The following AKAP6 variants were observed in gnomAD, a reference collection of about 807,000 sequenced individuals.
AKAP6 encodes A-kinase anchor protein 6.
AKAP6 carries 58 observed loss-of-function variants against 188.5 expected under a neutral mutation model. The observed-to-expected ratio is 0.31, with a 90% CI of 0.25 to 0.38. AKAP6 has a LOEUF of 0.38. Ranked by LOEUF, AKAP6 falls within the 10% of genes least tolerant of loss-of-function variation. The probability of loss-of-function intolerance (pLI) is 1.00; values close to 1 mark genes in which losing one functional copy is unlikely to be tolerated. For missense variants in AKAP6, 2,710 were observed against 2,740.0 expected (o/e 0.99, Z 0.24); for synonymous variants, 989 against 998.6 (o/e 0.99, Z 0.18).
chr14:32,731,866 G>A (rs532667956), intron 9 of AKAP6, among the ~76,000 whole-genome samples: 2 of 152,162 alleles, frequency 1.3e-5, no homozygotes, highest in Admixed American at 1.3e-4. Flanking sequence ...AGTCAACTAT[G>A]ATTTGGGGGA....
At chr14:32,356,306 C>G (rs1887482926) in intron 1 of AKAP6, among the ~76,000 whole-genome samples, 1 of 152,162 alleles carries the variant, frequency 6.6e-6, no homozygotes, top group Admixed American at 6.6e-5. Flanking sequence ...AGGGCTTGCT[C>G]CTACTATCCA....
At chr14:32,767,182 A>T (rs893906072) in intron 11 of AKAP6, among the ~76,000 whole-genome samples, 1 of 152,182 alleles carries the variant, frequency 6.6e-6, no homozygotes, top group African/African-American at 2.4e-5. Context: ...TTATGGCATA[A>T]ATTAGTCTTG....
At chr14:32,591,025 A>G (rs1477326189) in intron 5 of AKAP6, among the ~76,000 whole-genome samples, 1 of 152,232 alleles carries the variant, frequency 6.6e-6, no homozygotes, top group Non-Finnish European at 1.5e-5. Flanking sequence ...CTAAATCCAC[A>G]TAATATTCTT....
intron 2 of AKAP6, among the ~76,000 whole-genome samples, chr14:32,444,426 A>G (rs1890693835): frequency 6.6e-6 from 1 of 152,166 alleles, no homozygotes; most frequent in African/African-American, 2.4e-5. Flanking sequence ...CTTTGTATAA[A>G]TGTGAATAGA....
At chr14:32,470,645 ATATT>A (rs1174633350) in intron 2 of AKAP6, among the ~76,000 whole-genome samples, 4 of 152,236 alleles carry the variant, frequency 2.6e-5, no homozygotes, top group Non-Finnish European at 5.9e-5. Flanking sequence ...TGCCAACAAA[ATATT>A]TAAGTTCGGT....
chr14:32,351,691 G>A (rs1053009400), intron 1 of AKAP6, among the ~76,000 whole-genome samples: 1 of 152,114 alleles, frequency 6.6e-6, no homozygotes, highest in Non-Finnish European at 1.5e-5. Context: ...AGATGTTGCT[G>A]GTTGATCTTT....
At chr14:32,784,283 C>T (rs1020081440) in intron 12 of AKAP6, among the ~76,000 whole-genome samples, 2 of 152,108 alleles carry the variant, frequency 1.3e-5, no homozygotes, top group Non-Finnish European at 2.9e-5. Flanking sequence ...TTCACACATG[C>T]TTCACAGAAA....
chr14:32,628,320 C>T (rs973235289), intron 7 of AKAP6, among the ~76,000 whole-genome samples: 1 of 152,058 alleles, frequency 6.6e-6, no homozygotes, highest in Non-Finnish European at 1.5e-5. Flanking sequence ...TTCAATTCAA[C>T]TTTTAATTGA....
At position 32,541,546 on chromosome 14, in the gene AKAP6, T is replaced by C. The variant is rs555301384; in HGVS notation, c.577-3684T>C. On this transcript the variant is annotated intron_variant, in intron 3 of 13. Transcript: ENST00000280979. ...ATTTTTACCTGGACTCTCAAATTTC[T>C]TTTTTTTAAATCTATCATATAAATA... Among the ~76,000 whole-genome samples the C allele has an allele frequency of 1.5e-3, 230 of 152,032 alleles. 1 individual carries two copies. The highest frequency in any genetic ancestry group is 2.0e-3 in the Non-Finnish European group (139 of 67,954).
At chr14:32,709,880 T>C (rs957771035) in intron 9 of AKAP6, among the ~76,000 whole-genome samples, 5 of 151,994 alleles carry the variant, frequency 3.3e-5, no homozygotes, top group Non-Finnish European at 7.4e-5. Context: ...TCAAAACTGG[T>C]TGGTGAAAAA....
chr14:32,826,683 CTCTT>C (rs1472560602), intron 13 of AKAP6, among the ~76,000 whole-genome samples: 2 of 152,154 alleles, frequency 1.3e-5, no homozygotes, highest in Non-Finnish European at 2.9e-5. Context: ...TTTCTTCTCT[CTCTT>C]ACATAGACGT....
intron 2 of AKAP6, among the ~76,000 whole-genome samples, chr14:32,523,697 G>C (rs1384344715): frequency 6.6e-6 from 1 of 150,750 alleles, no homozygotes; most frequent in Non-Finnish European, 1.5e-5. Flanking sequence ...TCGAGCTCCT[G>C]AGCCAAGCGA....
At chr14:32,715,495 A>G (rs1455693131) in intron 9 of AKAP6, among the ~76,000 whole-genome samples, 1 of 152,078 alleles carries the variant, frequency 6.6e-6, no homozygotes, top group Non-Finnish European at 1.5e-5. Context: ...TTTATGTGGT[A>G]TGAAAAATAA....
At chr14:32,807,857 G>A (rs2034129530) in intron 12 of AKAP6, among the ~76,000 whole-genome samples, 1 of 152,112 alleles carries the variant, frequency 6.6e-6, no homozygotes, top group African/African-American at 2.4e-5. Flanking sequence ...TTAAACTTTA[G>A]TGATACATAA....
chr14:32,699,982 T>C (rs1266063922), intron 9 of AKAP6, among the ~76,000 whole-genome samples: 1 of 152,180 alleles, frequency 6.6e-6, no homozygotes, highest in Admixed American at 6.5e-5. Flanking sequence ...TGGAGAAATA[T>C]TTAAAACCCA....
At chr14:32,677,338 G>A (rs1024170911) in intron 7 of AKAP6, among the ~76,000 whole-genome samples, 5 of 152,138 alleles carry the variant, frequency 3.3e-5, no homozygotes, top group Non-Finnish European at 7.3e-5. Flanking sequence ...GAATTCTGGC[G>A]ACTACTCAAC....
In AKAP6 at chr14:32,822,062, G is replaced by A. The variant is rs767362204; in HGVS notation, c.4249G>A (p.Gly1417Arg). 8 of 1,613,788 alleles carry A rather than the reference G, an allele frequency of 5.0e-6. No homozygotes were observed. Among genetic ancestry groups the A allele is most frequent in the Middle Eastern group, 1.6e-4 (1 of 6,082 alleles). Reference sequence around the variant, plus strand: ...GTTAAAGCAAAAATTTACAGATGAGGGGGAAAGCATTAAGCTTCCAAATAG... The same window carrying A: ...GTTAAAGCAAAAATTTACAGATGAGAGGGAAAGCATTAAGCTTCCAAATAG... ...NVLKQKFTDE[G>R]ESIKLPNSSQ... The change falls in exon 13 of 14, where the codon GGG (glycine) becomes AGG (arginine). Residue 1417 changes from glycine (G) to arginine (R), a missense_variant. Gly to Arg is a moderately radical substitution (Grantham distance 125). Transcript: ENST00000280979.
At chr14:32,795,343 T>C (rs538326249) in intron 12 of AKAP6, among the ~76,000 whole-genome samples, 6 of 152,268 alleles carry the variant, frequency 3.9e-5, no homozygotes, top group African/African-American at 1.4e-4. Flanking sequence ...AAAAGAAAAC[T>C]TCAGGCTAAT....
At chr14:32,641,277 G>A (rs978345784) in intron 7 of AKAP6, among the ~76,000 whole-genome samples, 1 of 151,880 alleles carries the variant, frequency 6.6e-6, no homozygotes, top group African/African-American at 2.4e-5. Flanking sequence ...AATGGAAGAA[G>A]TGGAATATAC....
Sources: gnomAD v4.1 joint callset for allele counts (sites outside exome capture counted in the v4.1 genomes callset) on GRCh38, gnomAD v4.1.1 for gene constraint, MANE v1.5 for transcripts, NCBI Gene and HGNC (gene_info 2026-07-23, HGNC 2026-07-21) for gene names.